PALS2: variants seen among roughly 807,000 people sequenced by gnomAD.
PALS2 encodes protein PALS2.
Under a neutral mutation model 61.6 loss-of-function variants are expected in PALS2, and 27 were observed. The ratio of observed to expected loss-of-function variants is 0.44; its 90% CI spans 0.32 to 0.60. The LOEUF (loss-of-function observed/expected upper bound fraction) is 0.60, where lower values mean the gene tolerates loss of function less well. Among genes scored for constraint, PALS2 ranks in the 20% least tolerant of loss-of-function variants. PALS2 has a pLI of 0.05. For synonymous variants in PALS2, 236 were observed against 218.6 expected, an observed-to-expected ratio of 1.08 and a Z score of -0.70; for missense variants, 554 against 639.4, an observed-to-expected ratio of 0.87 and a Z score of 1.44.
At chr7:24,637,380 T>C (rs1424883518) in intron 2 of PALS2, among the ~76,000 whole-genome samples, 1 of 151,172 alleles carries the variant, frequency 6.6e-6, no homozygotes, top group Non-Finnish European at 1.5e-5. Context: ...GAGTTCTCCA[T>C]TCTCTCTGTC....
At chr7:24,635,417 G>A (rs1350363115) in intron 2 of PALS2, among the ~76,000 whole-genome samples, 1 of 152,018 alleles carries the variant, frequency 6.6e-6, no homozygotes, top group Non-Finnish European at 1.5e-5. Context: ...TTGCATCCTT[G>A]CTGAACTTAT....
intron 9 of PALS2, among the ~76,000 whole-genome samples, chr7:24,673,582 G>T (rs1416680333): frequency 6.6e-6 from 1 of 152,034 alleles, no homozygotes; most frequent in East Asian, 1.9e-4. Flanking sequence ...CTTGTTATAG[G>T]TCAACTTGGA....
At chr7:24,675,341 GT>G in intron 9 of PALS2, among the ~76,000 whole-genome samples, 1 of 151,140 alleles carries the variant, frequency 6.6e-6, no homozygotes, top group South Asian at 2.1e-4. Flanking sequence ...GGAGTTACAA[GT>G]TGCCTTAGAA....
rs1788279633 is a variant in PALS2 at position 24,687,690 on chromosome 7, T to G, written c.*76T>G. On this transcript the variant is annotated 3_prime_UTR_variant, in exon 12 of 12. Transcript: ENST00000222644. The surrounding 1 kb of genome is among the most constrained non-coding windows in gnomAD (Gnocchi z 4.5). ...ACAAATAAACCTTCTACTGAGAAAA[T>G]ACATCACAGATAGAAGATTATCTGC... The G allele has an allele frequency of 7.3e-7, 1 of 1,378,862 alleles. No homozygotes were observed. The highest frequency in any genetic ancestry group is 9.8e-7 in the Non-Finnish European group (1 of 1,022,128). The allele number at this position is 1,378,862 out of a possible 1,614,324, so 85.4% of individuals were successfully genotyped here.
chr7:24,685,528 T>C (rs558720273), intron 11 of PALS2, among the ~76,000 whole-genome samples: 1 of 152,276 alleles, frequency 6.6e-6, no homozygotes, highest in South Asian at 2.1e-4. Context: ...TCATACCTTA[T>C]GTACAAAATG....
In PALS2 at chr7:24,602,629, C is replaced by A. The variant is rs565074972; in HGVS notation, c.-2-21037C>A. Among the ~76,000 whole-genome samples, 6 of 152,200 alleles carry A rather than the reference C, an allele frequency of 3.9e-5. No individual in the cohort carries two copies. The East Asian group carries it at 9.6e-4, about 24-fold the overall frequency. ...GGGTTTGTATCAGCATTTAATAATC[C>A]TGTCTTCTATATTATTTCATTGTCT... On this transcript the variant is annotated intron_variant, in intron 1 of 11. Transcript: ENST00000222644.
At chr7:24,659,044 C>T (rs976406613) in intron 5 of PALS2, among the ~76,000 whole-genome samples, 4 of 152,122 alleles carry the variant, frequency 2.6e-5, no homozygotes, top group Admixed American at 2.6e-4. Flanking sequence ...TGTTGTTCCC[C>T]TCTTTGTGTC....
rs1158655785 is a variant in PALS2 at position 24,641,814 on chromosome 7, T to A, written c.216T>A (p.Asn72Lys). ...TTGAAGACATCACTCCTCTAATAAA[T>A]GTGGATGAAAATGTGGCAGAATTGG... ...EILEDITPLINVDENVAELVG... is the reference protein window; with the variant it reads ...EILEDITPLIKVDENVAELVG... Residue 72 changes from asparagine (N) to lysine (K), a missense_variant, in exon 3 of 12, where the codon AAT (asparagine) becomes AAA (lysine). Coordinates refer to ENST00000222644, the MANE Select transcript of PALS2 (RefSeq NM_001303037.2). The A allele has an allele frequency of 6.2e-7, 1 of 1,613,124 alleles. No homozygotes were observed. The highest frequency in any genetic ancestry group is 8.5e-7 in the Non-Finnish European group (1 of 1,179,620).
intron 1 of PALS2, among the ~76,000 whole-genome samples, chr7:24,591,555 A>G (rs899998799): frequency 6.6e-6 from 1 of 152,172 alleles, no homozygotes; most frequent in African/African-American, 2.4e-5. Context: ...CCATATCCTC[A>G]GTGAACCCAC....
intron 1 of PALS2, among the ~76,000 whole-genome samples, chr7:24,592,567 T>C (rs1471841440): frequency 6.6e-6 from 1 of 152,178 alleles, no homozygotes; most frequent in South Asian, 2.1e-4. Context: ...GCTTTGGTAT[T>C]GGGTATAGAT....
At chr7:24,663,908 A>G (rs755262770) in intron 6 of PALS2, among the ~76,000 whole-genome samples, 187 bp downstream of exon 6, 26 of 152,210 alleles carry the variant, frequency 1.7e-4, no homozygotes, top group Admixed American at 2.6e-4. Flanking sequence ...TTGCAACTTA[A>G]TAAGTGCAGA....
At chr7:24,666,228 A>G in intron 8 of PALS2, 139 bp downstream of exon 8, 1 of 618,190 alleles carries the variant, frequency 1.6e-6, no homozygotes, top group Non-Finnish European at 2.8e-6. Context: ...ATATGAACAC[A>G]TGGTGCAATA....
intron 1 of PALS2, among the ~76,000 whole-genome samples, chr7:24,583,445 A>G (rs1782927332): frequency 6.6e-6 from 1 of 152,108 alleles, no homozygotes; most frequent in Non-Finnish European, 1.5e-5. Flanking sequence ...CCCAATTAAA[A>G]TGTTAGATTA....
At chr7:24,611,091 C>G (rs968215161) in intron 1 of PALS2, among the ~76,000 whole-genome samples, 1 of 152,058 alleles carries the variant, frequency 6.6e-6, no homozygotes, top group African/African-American at 2.4e-5. Flanking sequence ...TTAAGAATAG[C>G]TCATTTACTT....
intron 1 of PALS2, among the ~76,000 whole-genome samples, chr7:24,610,093 T>G (rs150903216): frequency 8.5e-4 from 129 of 152,288 alleles, no homozygotes; most frequent in African/African-American, 2.7e-3. Flanking sequence ...GTTAACTGCT[T>G]TCCCTTATTT....
At chr7:24,671,174 A>G (rs535043816) in intron 9 of PALS2, among the ~76,000 whole-genome samples, 1 of 152,266 alleles carries the variant, frequency 6.6e-6, no homozygotes, top group South Asian at 2.1e-4. Flanking sequence ...GTTTCTCTAC[A>G]TCCTCACCAA....
At chr7:24,681,717 A>T (rs562370632) in intron 11 of PALS2, among the ~76,000 whole-genome samples, 1 of 152,168 alleles carries the variant, frequency 6.6e-6, no homozygotes, top group Non-Finnish European at 1.5e-5. Context: ...CATGAAAGCC[A>T]TTACAACCAA....
chr7:24,649,743 C>T lies in PALS2; in HGVS notation c.402C>T (p.His134=), dbSNP rs762807796. 1.2e-6 allele frequency: 2 copies of T among 1,609,136 alleles called. No homozygotes were observed. Among genetic ancestry groups the T allele is most frequent in the Admixed American group, 1.7e-5 (1 of 59,436 alleles). Reference sequence around the variant, plus strand: ...ATGCCATTCGTATTCTTGGTATTCACAAAAGAGCTGGGGAACCACTGGTGA... The same window carrying T: ...ATGCCATTCGTATTCTTGGTATTCATAAAAGAGCTGGGGAACCACTGGTGA... ...PVDAIRILGI[H]KRAGEPLGVT... Residue 134 remains histidine (H), a synonymous_variant, in exon 4 of 12, where the codon CAC becomes CAT. Transcript: ENST00000222644.
chr7:24,665,831 T>C, intron 7 of PALS2, 144 bp downstream of exon 7: 1 of 960,390 alleles, frequency 1.0e-6, no homozygotes, highest in Non-Finnish European at 1.5e-6. Context: ...ATAAGTAATC[T>C]TTTTTGATCC....
Sources: allele counts gnomAD v4.1 joint callset (sites outside exome capture counted in the v4.1 genomes callset), GRCh38; gene constraint gnomAD v4.1.1; non-coding constraint Gnocchi (gnomAD v3.1); transcripts MANE v1.5; gene names NCBI Gene and HGNC (gene_info 2026-07-23, HGNC 2026-07-21).